The following DCTN3 variants were observed in gnomAD, a reference collection of about 807,000 sequenced individuals.
The protein encoded by DCTN3 is dynactin 3 (p22).
Under a neutral mutation model 28.4 loss-of-function variants are expected in DCTN3, and 25 were observed. The observed-to-expected ratio is 0.88, with a 90% CI of 0.64 to 1.23. DCTN3 has a LOEUF of 1.23. Ranked by LOEUF, DCTN3 falls within the 50% of genes most tolerant of loss-of-function variation. DCTN3 has a pLI of 0.00. For synonymous variants in DCTN3, 81 were observed against 91.4 expected (o/e 0.89, Z 0.65); for missense variants, 229 against 232.0 (o/e 0.99, Z 0.08).
intron 4 of DCTN3, 105 bp from the exon 5 acceptor site, chr9:34,614,873 C>T (rs1374679832): frequency 1.4e-6 from 2 of 1,397,112 alleles, no homozygotes; most frequent in Non-Finnish European, 2.0e-6. Flanking sequence ...AGTGGAGAAG[C>T]TAAACAAACG....
At position 34,618,691 on chromosome 9, in the gene DCTN3, T is replaced by C. The variant is rs1176241682; in HGVS notation, c.166A>G (p.Ile56Val). 5.0e-6 allele frequency: 8 copies of C among 1,613,998 alleles called. No individual in the cohort carries two copies. The highest frequency in any genetic ancestry group is 6.8e-6 in the Non-Finnish European group (8 of 1,179,976). The change falls in exon 2 of 7, where the codon ATT becomes GTT. Residue 56 changes from isoleucine to valine, a missense_variant. Coordinates refer to ENST00000259632, the MANE Select transcript of DCTN3 (RefSeq NM_007234.5). ...NISSKRERVKILYKKIEDLIK... is the reference protein window; with the variant it reads ...NISSKRERVKVLYKKIEDLIK... ...AAGCACTTACTCTTTTTGTAGAGAA[T>C]CTTCACCCTCTCCCTCTTGCTGGAA...
At chr9:34,620,289 A>G in intron 1 of DCTN3, 80 bp downstream of exon 1, 1 of 1,229,336 alleles carries the variant, frequency 8.1e-7, no homozygotes, top group African/African-American at 1.5e-5. Flanking sequence ...ACAGGACTGG[A>G]GCGGTTGCAT....
chr9:34,617,713 A>G (rs1820453998), intron 3 of DCTN3, 172 bp downstream of exon 3: 5 of 1,506,128 alleles, frequency 3.3e-6, no homozygotes, highest in Non-Finnish European at 4.5e-6. Flanking sequence ...ACTGTACTCA[A>G]TGTCTACTAG....
Position 34,620,227 on chromosome 9 carries a change from C to A in DCTN3, c.96+142G>T. 7 of 744,152 alleles carry A rather than the reference C, an allele frequency of 9.4e-6. No individual in the cohort carries two copies. The South Asian group carries it at 1.1e-4, about 12-fold the overall frequency. The allele number at this position is 744,152 out of a possible 1,614,324, so 46.1% of individuals were successfully genotyped here. ...TGACAGTGGACCCCGATGGTCCAAT[C>A]AGCTCTGGGAGGTCCCGGACCTTTG... On this transcript the variant is annotated intron_variant, in intron 1 of 6. Coordinates refer to ENST00000259632, the MANE Select transcript of DCTN3 (RefSeq NM_007234.5).
At chr9:34,620,334 GCT>G in intron 1 of DCTN3, 33 bp downstream of exon 1, 1 of 1,595,894 alleles carries the variant, frequency 6.3e-7, no homozygotes, top group Non-Finnish European at 8.6e-7. Flanking sequence ...CTCTTGCTCT[GCT>G]CCAGAAAGGG....
chr9:34,615,107 C>T (rs367678842), intron 4 of DCTN3: 52 of 240,122 alleles, frequency 2.2e-4, no homozygotes, highest in Admixed American at 1.5e-3. Context: ...CTCAGCCCAG[C>T]GGGGGCAGGT....
chr9:34,618,815 A>C, intron 1 of DCTN3, 55 bp from the exon 2 acceptor site: 4 of 1,431,342 alleles, frequency 2.8e-6, no homozygotes, highest in Non-Finnish European at 2.0e-6. Context: ...CAAGGCTTGG[A>C]AAAGTTAAAG....
chr9:34,614,640 A>C, intron 5 of DCTN3, 70 bp downstream of exon 5: 1 of 1,571,424 alleles, frequency 6.4e-7, no homozygotes, highest in East Asian at 2.2e-5. Context: ...CTGCTTCCCC[A>C]GGTGGCATGA....
In DCTN3 at chr9:34,614,568, A is replaced by G. The variant is rs1270616008; in HGVS notation, c.411+142T>C. On this transcript the variant is annotated intron_variant, in intron 5 of 6. Coordinates refer to ENST00000259632, the MANE Select transcript of DCTN3 (RefSeq NM_007234.5). The stretch of plus-strand genomic sequence containing the variant: ...GCAAGTCCCTTTACCTCCCTGGGGC[A>G]TATGCAAGATAAAGGATAAACCCCA... 113 of 881,754 alleles carry G rather than the reference A, an allele frequency of 1.3e-4. No individual in the cohort carries two copies. The East Asian group carries it at 2.9e-3, about 22-fold the overall frequency. The allele number at this position is 881,754 out of a possible 1,614,324, so 54.6% of individuals were successfully genotyped here.
rs188907222 is a variant in DCTN3 at position 34,613,812 on chromosome 9, G to A, written c.531C>T (p.Ala177=). The change falls in exon 7 of 7, where the codon GCC becomes GCT. Residue 177 remains alanine, a synonymous_variant. Transcript: ENST00000259632. ...QWDELLCQLE[A]ATQVKPAEE The stretch of plus-strand genomic sequence containing the variant: ...CCTCTGCTGGCTTCACTTGCGTGGC[G>A]GCCTCTAGCTGGCAAAGTAGCTCAT... 3.2e-5 allele frequency: 51 copies of A among 1,614,030 alleles called. No homozygotes were observed. The African/African-American group carries it at 3.9e-4, about 12-fold the overall frequency.
chr9:34,620,393 C>A lies in DCTN3; in HGVS notation c.72G>T (p.Pro24=). ...CCTTCCGTGAGCCGCGCGCCCCGCC[C>A]GGCCCGTACACCCAGCGCTCCAGCT... is the stretch of plus-strand genomic sequence containing the variant. ...VEELERWVYG[P]GGARGSRKVA... The change falls in exon 1 of 7, where the codon CCG becomes CCT. Residue 24 remains proline, a synonymous_variant. Transcript: ENST00000259632. 8 of 1,599,398 alleles carry A rather than the reference C, an allele frequency of 5.0e-6. No homozygotes were observed. Among genetic ancestry groups the A allele is most frequent in the Non-Finnish European group, 6.8e-6 (8 of 1,173,706 alleles).
intron 4 of DCTN3, 67 bp downstream of exon 4, chr9:34,615,963 A>G: frequency 1.5e-6 from 2 of 1,325,142 alleles, no homozygotes; most frequent in Non-Finnish European, 2.2e-6. Context: ...AAACACAGGA[A>G]AGTCTTGCCC....
At chr9:34,620,007 A>G (rs1481932578) in intron 1 of DCTN3, among the ~76,000 whole-genome samples, 1 of 152,068 alleles carries the variant, frequency 6.6e-6, no homozygotes, top group African/African-American at 2.4e-5. Flanking sequence ...TGCACAATTC[A>G]TTTAGCAATT....
chr9:34,614,566 G>A (rs1820378329), intron 5 of DCTN3, 144 bp downstream of exon 5: 2 of 872,530 alleles, frequency 2.3e-6, no homozygotes, highest in Admixed American at 2.2e-5. Flanking sequence ...CCTCCCTGGG[G>A]CATATGCAAG....
intron 1 of DCTN3, 46 bp from the exon 2 acceptor site, chr9:34,618,806 A>G (rs774539539): frequency 6.7e-7 from 1 of 1,487,028 alleles, no homozygotes; most frequent in East Asian, 2.3e-5. Flanking sequence ...TACCTGGCTC[A>G]AGGCTTGGAA....
In DCTN3 at chr9:34,620,387, C is replaced by G; in HGVS notation, c.78G>C (p.Gly26=). The G allele has an allele frequency of 6.2e-7, 1 of 1,601,786 alleles. No homozygotes were observed. Among genetic ancestry groups the G allele is most frequent in the South Asian group, 1.1e-5 (1 of 89,292 alleles). Residue 26 remains glycine (G), a synonymous_variant, in exon 1 of 7, where the codon GGG becomes GGC. Coordinates refer to ENST00000259632, the MANE Select transcript of DCTN3 (RefSeq NM_007234.5). ...TACTCACCTTCCGTGAGCCGCGCGC[C>G]CCGCCCGGCCCGTACACCCAGCGCT... is the stretch of plus-strand genomic sequence containing the variant. ...ELERWVYGPG[G]ARGSRKVADG...
rs10972169 is a variant in DCTN3, at chr9:34,619,881, A to G, written c.96+488T>C. On this transcript the variant is annotated intron_variant, in intron 1 of 6. Coordinates refer to ENST00000259632, the MANE Select transcript of DCTN3 (RefSeq NM_007234.5). ...AGTGCTAGTCCACATCTGAATACCC[A>G]GTACCCAGTCTCTTCCCTTCCTAAT... 2.5e-3 allele frequency among the ~76,000 whole-genome samples: 375 copies of G among 152,312 alleles called. 8 individuals carry two copies. The East Asian group carries it at 0.056, about 23-fold the overall frequency.
In DCTN3 at chr9:34,614,092, C is replaced by T. The variant is rs1429396074; in HGVS notation, c.421G>A (p.Val141Met). Residue 141 changes from valine (V) to methionine (M), a missense_variant, in exon 6 of 7, where the codon GTG becomes ATG. By Grantham distance (21) the Val-to-Met change is conservative (BLOSUM62 1). Coordinates refer to ENST00000259632, the MANE Select transcript of DCTN3 (RefSeq NM_007234.5). ...QIHIQQQDQC[V>M]EITEESKALL... is the part of the protein sequence containing the mutation. ...GCCTTGGACTCCTCAGTGATTTCCA[C>T]ACACTGGTCCTGTAGGGCCAAAGTG... 1 of 1,613,984 alleles carries T rather than the reference C, an allele frequency of 6.2e-7. No individual in the cohort carries two copies. The highest frequency in any genetic ancestry group is 1.7e-5 in the Admixed American group (1 of 60,010).
Position 34,616,929 on chromosome 9 carries a change from G to C in DCTN3, c.269-816C>G, listed in dbSNP as rs1442663942. On this transcript the variant is annotated intron_variant, in intron 3 of 6. Coordinates refer to ENST00000259632, the MANE Select transcript of DCTN3 (RefSeq NM_007234.5). This position sits in a 1 kb window ranked among gnomAD's most constrained non-coding sequence, Gnocchi z 4.7. ...GTTGGGAACATGTTTTTGTGAGGGT[G>C]AGACTGAACCACATGCAGGAAGGGA... 6.6e-6 allele frequency among the ~76,000 whole-genome samples: 1 copy of C among 152,170 alleles called. No homozygotes were observed. Among genetic ancestry groups the C allele is most frequent in the African/African-American group, 2.4e-5 (1 of 41,422 alleles).
Sources: allele counts gnomAD v4.1 joint callset (sites outside exome capture counted in the v4.1 genomes callset), GRCh38; gene constraint gnomAD v4.1.1; non-coding constraint Gnocchi (gnomAD v3.1); transcripts MANE v1.5; gene names NCBI Gene and HGNC (gene_info 2026-07-23, HGNC 2026-07-21).